Variants in RASGRP3 observed in about 807,000 individuals in gnomAD.
RASGRP3 encodes RAS guanyl releasing protein 3, also known as ras guanyl-releasing protein 3.
In RASGRP3, 54 loss-of-function variants were observed where a neutral mutation model predicts 82.7. The observed-to-expected ratio is 0.65, with a 90% confidence interval of 0.52 to 0.82. The LOEUF (loss-of-function observed/expected upper bound fraction) is 0.82, where lower values mean the gene tolerates loss of function less well. Among genes scored for constraint, RASGRP3 ranks in the 40% least tolerant of loss-of-function variants. The pLI is 0.00. For synonymous variants in RASGRP3, 309 were observed against 300.5 expected (o/e 1.03, Z -0.29); for missense variants, 861 against 828.9 (o/e 1.04, Z -0.48).
chr2:33,518,729 A>C (rs1345294391), intron 4 of RASGRP3, among the ~76,000 whole-genome samples: 1 of 151,990 alleles, frequency 6.6e-6, no homozygotes, highest in Non-Finnish European at 1.5e-5. Flanking sequence ...TTACTTTTTA[A>C]ACTTTTTTCG....
At chr2:33,457,270 C>T (rs1574240959) in intron 2 of RASGRP3, among the ~76,000 whole-genome samples, 1 of 152,076 alleles carries the variant, frequency 6.6e-6, no homozygotes, top group Non-Finnish European at 1.5e-5. Flanking sequence ...AATGAATATA[C>T]TCAACTAAAA....
Position 33,539,074 on chromosome 2 carries a change from GTT to G in RASGRP3, c.1162-11_1162-10del. On this transcript the variant is annotated intron_variant, in intron 11 of 17. Transcript: ENST00000403687. The stretch of plus-strand genomic sequence containing the variant: ...TAATAATAAAGTTGAAAAATATGTG[GTT>G]TTTTTTTTGTTTATCAGCAGCCTAC... 3 of 1,290,528 alleles carry G rather than the reference GTT, an allele frequency of 2.3e-6. No individual in the cohort carries two copies. The highest frequency in any genetic ancestry group is 1.5e-5 in the African/African-American group (1 of 64,720). The allele number at this position is 1,290,528 out of a possible 1,614,324, so 79.9% of individuals were successfully genotyped here. A position where few individuals can be genotyped will look rare whatever the true frequency, so the allele number is the denominator to read the frequency against.
At chr2:33,515,568 C>T (rs1199877833) in intron 3 of RASGRP3, among the ~76,000 whole-genome samples, 1 of 152,218 alleles carries the variant, frequency 6.6e-6, no homozygotes, top group Non-Finnish European at 1.5e-5. Context: ...CCTCTTCCCC[C>T]ATCCCATATC....
At position 33,539,119 on chromosome 2, in the gene RASGRP3, A is replaced by G; in HGVS notation, c.1187A>G (p.Asn396Ser). The change falls in exon 12 of 18, where the codon AAC becomes AGC. Residue 396 changes from asparagine (N) to serine (S), a missense_variant. Coordinates refer to ENST00000403687, the MANE Select transcript of RASGRP3 (RefSeq NM_001139488.2). The stretch of plus-strand genomic sequence containing the variant: ...CAGCCTACCTCCCCTACGACGCCCA[A>G]CAAGCCTGTGGTACCCCTGGAGTGG... ...KSQPTSPTTP[N>S]KPVVPLEWAL... is the part of the protein sequence containing the mutation. 1.2e-6 allele frequency: 2 copies of G among 1,610,670 alleles called. No individual in the cohort carries two copies. Among genetic ancestry groups the G allele is most frequent in the Non-Finnish European group, 1.7e-6 (2 of 1,178,540 alleles).
At chr2:33,467,683 T>C (rs776670125) in intron 2 of RASGRP3, among the ~76,000 whole-genome samples, 1 of 152,158 alleles carries the variant, frequency 6.6e-6, no homozygotes, top group Non-Finnish European at 1.5e-5. Flanking sequence ...GTAGGGCAAA[T>C]GGACCCACAG....
chr2:33,465,995 T>G (rs1328103721), intron 2 of RASGRP3, among the ~76,000 whole-genome samples: 1 of 151,034 alleles, frequency 6.6e-6, no homozygotes, highest in African/African-American at 2.4e-5. Context: ...AAGGAAGGAT[T>G]CCTTCTTACT....
intron 17 of RASGRP3, among the ~76,000 whole-genome samples, chr2:33,560,792 C>T (rs1419754731): frequency 6.6e-6 from 1 of 152,238 alleles, no homozygotes; most frequent in Admixed American, 6.5e-5. Context: ...GGAGAACCTG[C>T]TTTTGTTTAA....
At chr2:33,545,979 CT>C (rs921860488) in intron 13 of RASGRP3, among the ~76,000 whole-genome samples, 67 of 149,848 alleles carry the variant, frequency 4.5e-4, no homozygotes, top group African/African-American at 1.5e-3. Context: ...TTTTTTTTTT[CT>C]TTTTTTTTCA....
At chr2:33,538,043 A>G (rs921347367) in intron 11 of RASGRP3, among the ~76,000 whole-genome samples, 1 of 152,266 alleles carries the variant, frequency 6.6e-6, no homozygotes, top group Non-Finnish European at 1.5e-5. Context: ...TGCATGCACC[A>G]TAACTGATCA....
chr2:33,477,756 A>T (rs1667506081), intron 1 of RASGRP3, among the ~76,000 whole-genome samples: 1 of 152,200 alleles, frequency 6.6e-6, no homozygotes, highest in African/African-American at 2.4e-5. Flanking sequence ...TAAACTGATG[A>T]CGTAAAGCTC....
At chr2:33,479,054 A>G (rs988143992) in intron 1 of RASGRP3, among the ~76,000 whole-genome samples, 4 of 152,246 alleles carry the variant, frequency 2.6e-5, no homozygotes, top group African/African-American at 9.6e-5. Flanking sequence ...TAGAACCTGT[A>G]TACATTAAAA....
At chr2:33,468,635 C>T (rs543267182) in intron 2 of RASGRP3, among the ~76,000 whole-genome samples, 3 of 152,006 alleles carry the variant, frequency 2.0e-5, no homozygotes, top group South Asian at 2.1e-4. Context: ...CTCCTGACCT[C>T]GTGATCCACC....
rs146629345 is a variant in RASGRP3 at position 33,491,399 on chromosome 2, A to G, written c.-261+14692A>G. 9.3e-4 allele frequency among the ~76,000 whole-genome samples: 141 copies of G among 152,344 alleles called. 1 individual carries two copies. The East Asian group carries it at 0.025, about 27-fold the overall frequency. ...ACAAGATACTGTTTAATAACTGCTT[A>G]CTGGTTGATGGATAGATTGATTAAT... is the stretch of plus-strand genomic sequence containing the variant. On this transcript the variant is annotated intron_variant, in intron 1 of 17. Transcript: ENST00000403687.
At chr2:33,529,374 A>T (rs1672880393) in intron 10 of RASGRP3, among the ~76,000 whole-genome samples, 1 of 150,872 alleles carries the variant, frequency 6.6e-6, no homozygotes, top group South Asian at 2.1e-4. Context: ...AGGTGCCTGT[A>T]GTCCCAGCTA....
rs776482716 is a variant in RASGRP3 at position 33,516,566 on chromosome 2, G to C, written c.95G>C (p.Ser32Thr). The change falls in exon 4 of 18, where the codon AGT becomes ACT. Residue 32 changes from serine (S) to threonine (T), a missense_variant. By Grantham distance (58) the Ser-to-Thr change is moderately conservative. Transcript: ENST00000403687. Reference protein sequence around the residue: ...MFDDNGELDNSYLPRIVLLMH... With the variant: ...MFDDNGELDNTYLPRIVLLMH... ...GATGACAATGGAGAGCTGGATAATA[G>C]TTATTTGCCAAGAATAGTTCTACTG... 2.5e-6 allele frequency: 4 copies of C among 1,586,416 alleles called. No homozygotes were observed. Among genetic ancestry groups the C allele is most frequent in the East Asian group, 2.2e-5 (1 of 44,530 alleles).
chr2:33,484,584 T>C (rs1353679649), intron 1 of RASGRP3, among the ~76,000 whole-genome samples: 1 of 152,140 alleles, frequency 6.6e-6, no homozygotes, highest in Non-Finnish European at 1.5e-5. Context: ...ATGGTGGTGC[T>C]GGAGATTTCT....
At chr2:33,483,037 A>G (rs796361945) in intron 1 of RASGRP3, 1 of 96,472 alleles carries the variant, frequency 1.0e-5, no homozygotes, top group Non-Finnish European at 2.0e-5. Flanking sequence ...AACTATAATT[A>G]AAAAAAAAAA....
chr2:33,547,934 A>G lies in RASGRP3; in HGVS notation c.1395-1670A>G, dbSNP rs531575108. 1.4e-4 allele frequency among the ~76,000 whole-genome samples: 21 copies of G among 152,270 alleles called. 1 individual carries two copies. In the South Asian group the frequency reaches 4.4e-3, roughly 32 times the overall value. The stretch of plus-strand genomic sequence containing the variant: ...ACATGTCTCCGTGTTACCTCCTGCC[A>G]ATGAGAAAAGGCCACTGAGGATGTT... On this transcript the variant is annotated intron_variant, in intron 13 of 17. Coordinates refer to ENST00000403687, the MANE Select transcript of RASGRP3 (RefSeq NM_001139488.2).
intron 1 of RASGRP3, among the ~76,000 whole-genome samples, chr2:33,491,863 T>G (rs1387963406): frequency 6.6e-6 from 1 of 152,192 alleles, no homozygotes; most frequent in Non-Finnish European, 1.5e-5. Context: ...GGCTGAGGCT[T>G]AGGCTAGGGC....
Sources: gnomAD v4.1 joint callset for allele counts (sites outside exome capture counted in the v4.1 genomes callset) on GRCh38, gnomAD v4.1.1 for gene constraint, MANE v1.5 for transcripts, NCBI Gene and HGNC (gene_info 2026-07-23, HGNC 2026-07-21) for gene names.